Variants in FUS observed in about 807,000 individuals in gnomAD.
The protein encoded by FUS is RNA-binding protein FUS.
In FUS, 5 loss-of-function variants were observed where a neutral mutation model predicts 82.7. The ratio of observed to expected loss-of-function variants is 0.06; its 90% confidence interval spans 0.03 to 0.13. The LOEUF (loss-of-function observed/expected upper bound fraction) is 0.13. Among genes scored for constraint, FUS ranks in the 10% least tolerant of loss-of-function variants. The probability of loss-of-function intolerance (pLI) is 1.00; values close to 1 mark genes in which losing one functional copy is unlikely to be tolerated. For missense variants in FUS, 512 were observed against 707.8 expected, an observed-to-expected ratio of 0.72 and a Z score of 3.14; for synonymous variants, 281 against 247.4, an observed-to-expected ratio of 1.14 and a Z score of -1.27.
intron 1 of FUS, 42 bp from the exon 2 acceptor site, chr16:31,182,356 A>C (rs1396086241): frequency 6.2e-7 from 1 of 1,610,804 alleles, no homozygotes; most frequent in South Asian, 1.1e-5. Flanking sequence ...ACTCTTTCAG[A>C]GTGGCAGCTG....
chr16:31,189,910 T>A, intron 10 of FUS, 116 bp downstream of exon 10: 1 of 1,586,932 alleles, frequency 6.3e-7, no homozygotes, highest in Non-Finnish European at 8.6e-7. Context: ...TTAGCTGCGG[T>A]TTCAGGTAGT....
chr16:31,181,716 G>A (rs966459243), intron 1 of FUS, among the ~76,000 whole-genome samples: 2 of 152,144 alleles, frequency 1.3e-5, no homozygotes, highest in African/African-American at 4.8e-5. Flanking sequence ...CGTTGGGAGA[G>A]TTAGTCTCTT....
chr16:31,191,000 A>C lies in FUS; in HGVS notation c.1431A>C (p.Gly477=), dbSNP rs773318835. 1.9e-6 allele frequency: 3 copies of C among 1,613,188 alleles called. No individual in the cohort carries two copies. Among genetic ancestry groups the C allele is most frequent in the East Asian group, 2.2e-5 (1 of 44,866 alleles). The change falls in exon 14 of 15, where the codon GGA becomes GGC. Residue 477 remains glycine, a synonymous_variant. Transcript: ENST00000254108. The part of the protein sequence containing the change: ...NYGDDRRGGR[G]GYDRGGYRGR... ...GGGATGATCGTCGTGGTGGCAGAGG[A>C]GGCTATGATCGAGGCGGCTACCGGG...
At chr16:31,194,294 ATT>A (rs375892764), downstream of FUS, 483 of 480,748 alleles carry the variant, frequency 1.0e-3, no homozygotes, top group Middle Eastern at 2.4e-3. Flanking sequence ...TCCTTTTTAA[ATT>A]TTTTTTTTTT....
At chr16:31,188,886 GGTTT>G in intron 8 of FUS, 1 of 557,170 alleles carries the variant, frequency 1.8e-6, no homozygotes, top group Non-Finnish European at 3.2e-6. Flanking sequence ...CCTGAGCCCT[GGTTT>G]CCATACTGTA....
chr16:31,183,807 A>G (rs759356352), intron 3 of FUS, 51 bp from the exon 4 acceptor site: 8 of 1,611,890 alleles, frequency 5.0e-6, no homozygotes, highest in East Asian at 2.2e-5. Context: ...CATTCCTTAC[A>G]TTTTCTCTTT....
intron 6 of FUS, 155 bp downstream of exon 6, chr16:31,185,334 TC>T: frequency 1.1e-6 from 1 of 891,290 alleles, no homozygotes; most frequent in Non-Finnish European, 1.7e-6. Flanking sequence ...TCTTTTTACA[TC>T]CCCATTTTAT....
chr16:31,192,252 T>C (rs772679520), downstream of FUS: 86 of 526,440 alleles, frequency 1.6e-4, no homozygotes, highest in South Asian at 1.3e-3. Context: ...CCCTTTTTGA[T>C]TGGAGGGTGG....
chr16:31,194,818 A>T (rs1223765846), downstream of FUS: 1 of 478,876 alleles, frequency 2.1e-6, no homozygotes, highest in Non-Finnish European at 4.1e-6. Context: ...TTTTGTGAAT[A>T]ATCAGACCAA....
chr16:31,188,268 G>A (rs1286935948), intron 7 of FUS, 57 bp from the exon 8 acceptor site: 1 of 1,578,482 alleles, frequency 6.3e-7, no homozygotes, highest in Non-Finnish European at 8.6e-7. Flanking sequence ...TTGACTAACG[G>A]CTCATCTTTT....
At position 31,182,383 on chromosome 16, in the gene FUS, AT is replaced by A; in HGVS notation, c.14-10del. The A allele has an allele frequency of 6.2e-7, 1 of 1,613,954 alleles. No homozygotes were observed. The highest frequency in any genetic ancestry group is 8.5e-7 in the Non-Finnish European group (1 of 1,179,904). ...TGGCAGCTGAAGATAATGTGATTGT[AT>A]TTTTCTTTTGCAGATTATACCCAAC... On this transcript the variant is annotated splice_polypyrimidine_tract_variant and intron_variant, in intron 1 of 14. Transcript: ENST00000254108.
In FUS at chr16:31,189,516, A is replaced by T. The variant is rs574735076; in HGVS notation, c.937-149A>T. 1.4e-3 allele frequency: 1,485 copies of T among 1,051,320 alleles called. 4 individuals are homozygous for T. The highest frequency in any genetic ancestry group is 1.7e-3 in the Non-Finnish European group (1,182 of 707,498). 65.1% of individuals were successfully genotyped at this position (1,051,320 alleles called of 1,614,324 possible). On this transcript the variant is annotated intron_variant, in intron 9 of 14. Coordinates refer to ENST00000254108, the MANE Select transcript of FUS (RefSeq NM_004960.4). The stretch of plus-strand genomic sequence containing the variant: ...TTGGAGTGAGAGACAGTTTTCTTTA[A>T]TGGAGGTTTACATGTGAGGTAGGAA...
chr16:31,192,159 A>G (rs558776704), downstream of FUS: 342 of 528,764 alleles, frequency 6.5e-4, 2 homozygotes, highest in Non-Finnish European at 9.1e-4. Flanking sequence ...CTATAAGGAG[A>G]CTGGTCTGGC....
At chr16:31,184,138 T>G in intron 4 of FUS, 71 bp from the exon 5 acceptor site, 1 of 1,613,790 alleles carries the variant, frequency 6.2e-7, no homozygotes. Flanking sequence ...GAGAATGGAC[T>G]CCACTAAAAG....
At chr16:31,188,260 G>A in intron 7 of FUS, 65 bp from the exon 8 acceptor site, 7 of 1,553,454 alleles carry the variant, frequency 4.5e-6, no homozygotes, top group Non-Finnish European at 6.1e-6. Context: ...TTTTCCTGTT[G>A]ACTAACGGCT....
At chr16:31,183,763 C>T (rs1430114110) in intron 3 of FUS, 95 bp from the exon 4 acceptor site, 2 of 1,484,582 alleles carry the variant, frequency 1.3e-6, no homozygotes, top group South Asian at 1.1e-5. Flanking sequence ...GAGAGGCTGG[C>T]TTTATGAGTA....
rs779543306 is a variant in FUS, at chr16:31,190,143, T to TGAG, written c.1168+6_1168+8dup. ...GTCGTGGAGGCCGAGGGCGAGGAGG[T>TGAG]GAGGAGCTACCTGCTAGTGGTGCAG... On this transcript the variant is annotated splice_region_variant and intron_variant, in intron 11 of 14. Transcript: ENST00000254108. The TGAG allele has an allele frequency of 4.3e-6, 7 of 1,613,220 alleles. No homozygotes were observed. The Admixed American group carries it at 1.0e-4, about 23-fold the overall frequency.
chr16:31,191,369 G>A (rs1162444954), intron 14 of FUS, 30 bp from the exon 15 acceptor site: 1 of 1,604,260 alleles, frequency 6.2e-7, no homozygotes, highest in Admixed American at 1.7e-5. Context: ...AAATATAATG[G>A]ATACTTAATT....
In FUS at chr16:31,184,285, G is replaced by C; in HGVS notation, c.412G>C (p.Gly138Arg). The C allele has an allele frequency of 6.2e-7, 1 of 1,613,912 alleles. No individual in the cohort carries two copies. The highest frequency in any genetic ancestry group is 8.5e-7 in the Non-Finnish European group (1 of 1,179,858). Residue 138 changes from glycine (G) to arginine (R), a missense_variant, in exon 5 of 15, where the codon GGA becomes CGA. Gly to Arg is a moderately radical substitution (Grantham distance 125). Around this residue, in one of 6 missense-constraint regions of FUS, gnomAD observed 276 missense variants for 303.3 expected, o/e 0.91. Transcript: ENST00000254108. ...CTACAGCCAGCAGCCTAGCTATGGT[G>C]GACAGCAGCAAAGCTATGGACAGCA... The part of the protein sequence containing the change: ...GSYSQQPSYG[G>R]QQQSYGQQQS...
Sources: allele counts gnomAD v4.1 joint callset (sites outside exome capture counted in the v4.1 genomes callset), GRCh38; gene constraint gnomAD v4.1.1; regional missense constraint gnomAD v4.1.1; transcripts MANE v1.5; gene names NCBI Gene and HGNC (gene_info 2026-07-23, HGNC 2026-07-21).